Variants in DCC observed in about 807,000 individuals in gnomAD.
DCC encodes netrin receptor DCC.
DCC carries 58 observed loss-of-function variants against 172.5 expected under a neutral mutation model. The ratio of observed to expected loss-of-function variants is 0.34; its 90% CI spans 0.27 to 0.42. DCC has a LOEUF of 0.42. DCC is among the 10% of genes least tolerant of loss of function. The pLI, the probability that DCC is intolerant of heterozygous loss-of-function variation, is 1.00. For synonymous variants in DCC, 709 were observed against 644.5 expected (o/e 1.10, Z -1.52); for missense variants, 1,740 against 1,791.0 (o/e 0.97, Z 0.51).
At chr18:53,269,676 G>T (rs2056726058) in intron 12 of DCC, among the ~76,000 whole-genome samples, 1 of 152,102 alleles carries the variant, frequency 6.6e-6, no homozygotes, top group Admixed American at 6.6e-5. Context: ...GCTCCATGTG[G>T]TCAAGACTAT....
chr18:52,435,086 C>T (rs567522935), intron 1 of DCC, among the ~76,000 whole-genome samples: 54 of 152,282 alleles, frequency 3.5e-4, no homozygotes, highest in African/African-American at 1.2e-3. Flanking sequence ...TTAGCTTCTT[C>T]GCATGTGGGC....
chr18:53,470,028 G>C (rs1028827323), intron 25 of DCC, among the ~76,000 whole-genome samples: 3 of 152,028 alleles, frequency 2.0e-5, no homozygotes, highest in Non-Finnish European at 2.9e-5. Flanking sequence ...CCTTCTGGCT[G>C]CTCCTCCTCA....
In DCC at chr18:52,682,705, A is replaced by G. The variant is rs549259028; in HGVS notation, c.92-69349A>G. On this transcript the variant is annotated intron_variant, in intron 1 of 28. Transcript: ENST00000442544. ...CAGACAAATATAAAATATGTCAGGT[A>G]GTGATAAATGTAGTGAAGAAAACAA... is the stretch of plus-strand genomic sequence containing the variant. 2.7e-5 allele frequency among the ~76,000 whole-genome samples: 4 copies of G among 149,916 alleles called. No homozygotes were observed. In the Admixed American group the frequency reaches 2.7e-4, roughly 10 times the overall value.
At chr18:52,780,764 AG>A (rs1264539349) in intron 2 of DCC, among the ~76,000 whole-genome samples, 1 of 152,090 alleles carries the variant, frequency 6.6e-6, no homozygotes, top group Non-Finnish European at 1.5e-5. Flanking sequence ...GAAGGTCTTC[AG>A]GGGAGAAGGG....
chr18:53,207,933 A>T (rs1439913798), intron 11 of DCC, 116 bp downstream of exon 11: 1 of 924,498 alleles, frequency 1.1e-6, no homozygotes, highest in Admixed American at 1.8e-5. Flanking sequence ...CTAAAATTTT[A>T]TGGACTATTA....
At chr18:53,420,528 G>T (rs1395930967) in intron 21 of DCC, among the ~76,000 whole-genome samples, 1 of 152,096 alleles carries the variant, frequency 6.6e-6, no homozygotes, top group African/African-American at 2.4e-5. Context: ...CTGGAAGCTG[G>T]AAGTCCCAGA....
At chr18:53,074,648 C>T (rs971228638) in intron 7 of DCC, among the ~76,000 whole-genome samples, 14 of 151,978 alleles carry the variant, frequency 9.2e-5, no homozygotes, top group Admixed American at 3.9e-4. Flanking sequence ...GTCTCCCTCC[C>T]GTTAGAGAAA....
intron 22 of DCC, among the ~76,000 whole-genome samples, chr18:53,439,857 C>T (rs1426640129): frequency 6.8e-6 from 1 of 147,062 alleles, no homozygotes; most frequent in East Asian, 2.0e-4. Context: ...CTCCGCCTCC[C>T]GGGTTCACGC....
At chr18:52,342,295 GTGT>G (rs1983681455) in intron 1 of DCC, among the ~76,000 whole-genome samples, 1 of 152,020 alleles carries the variant, frequency 6.6e-6, no homozygotes, top group African/African-American at 2.4e-5. Context: ...GTGTGTGTGT[GTGT>G]GTGCACGCGC....
At chr18:53,124,845 C>T (rs2043532361) in intron 7 of DCC, among the ~76,000 whole-genome samples, 1 of 151,910 alleles carries the variant, frequency 6.6e-6, no homozygotes, top group Non-Finnish European at 1.5e-5. Context: ...TGGCACATGC[C>T]TGTAGTCCCA....
chr18:53,467,862 G>C, intron 24 of DCC, 32 bp from the exon 25 acceptor site: 1 of 1,056,670 alleles, frequency 9.5e-7, no homozygotes, highest in Non-Finnish European at 1.5e-6. Context: ...TCCTTGAAGA[G>C]GGCATGTTTC....
At chr18:53,245,074 T>C (rs189649110) in intron 12 of DCC, among the ~76,000 whole-genome samples, 13 of 152,236 alleles carry the variant, frequency 8.5e-5, no homozygotes, top group Admixed American at 7.2e-4. Context: ...ATTAGAGTCA[T>C]ATATTTGGAT....
intron 1 of DCC, among the ~76,000 whole-genome samples, chr18:52,471,916 G>T (rs183123037): frequency 4.2e-4 from 64 of 152,258 alleles, no homozygotes; most frequent in African/African-American, 1.5e-3. Flanking sequence ...AAACTGAAAA[G>T]GAGTCTCCAA....
chr18:52,825,394 G>A (rs1285954157), intron 2 of DCC, among the ~76,000 whole-genome samples: 2 of 152,066 alleles, frequency 1.3e-5, no homozygotes, highest in Admixed American at 1.3e-4. Flanking sequence ...ATAAAATTAA[G>A]CAACTCCTAT....
At chr18:53,221,130 A>C (rs894738422) in intron 12 of DCC, among the ~76,000 whole-genome samples, 3 of 152,122 alleles carry the variant, frequency 2.0e-5, no homozygotes, top group South Asian at 2.1e-4. Context: ...TGGTGAAACA[A>C]CTTTATATAA....
chr18:52,520,400 A>G (rs2031774907), intron 1 of DCC, among the ~76,000 whole-genome samples: 1 of 152,118 alleles, frequency 6.6e-6, no homozygotes. Flanking sequence ...ATCTCTTCCC[A>G]TCCTCTCAAC....
chr18:52,463,095 T>C (rs568175146), intron 1 of DCC, among the ~76,000 whole-genome samples: 6 of 152,210 alleles, frequency 3.9e-5, no homozygotes, highest in Non-Finnish European at 7.3e-5. Context: ...CTGCATTTAC[T>C]GGGTGTTAAG....
At chr18:53,181,523 C>G (rs1281953019) in intron 9 of DCC, among the ~76,000 whole-genome samples, 1 of 148,834 alleles carries the variant, frequency 6.7e-6, no homozygotes, top group African/African-American at 2.5e-5. Flanking sequence ...AAAATAAAAA[C>G]TATGATAAAA....
At chr18:52,693,903 A>G (rs890223868) in intron 1 of DCC, among the ~76,000 whole-genome samples, 3 of 152,178 alleles carry the variant, frequency 2.0e-5, no homozygotes, top group African/African-American at 7.2e-5. Flanking sequence ...CAAATGGGGA[A>G]GAAGTCATAA....
Sources: gnomAD v4.1 joint callset for allele counts (sites outside exome capture counted in the v4.1 genomes callset) on GRCh38, gnomAD v4.1.1 for gene constraint, MANE v1.5 for transcripts, NCBI Gene and HGNC (gene_info 2026-07-23, HGNC 2026-07-21) for gene names.